LAG3: variants seen among roughly 807,000 people sequenced by gnomAD.
LAG3 encodes the protein lymphocyte activating 3.
In LAG3, 29 loss-of-function variants were observed where a neutral mutation model predicts 49.0. That is an observed-to-expected ratio of 0.59 (90% CI 0.44 to 0.81). The LOEUF (loss-of-function observed/expected upper bound fraction) is 0.81, where lower values mean the gene tolerates loss of function less well. LAG3 is among the 30% of genes least tolerant of loss of function. The pLI is 0.00. For missense variants in LAG3, 693 were observed against 695.2 expected, an observed-to-expected ratio of 1.00 and a Z score of 0.04; for synonymous variants, 320 against 297.3, an observed-to-expected ratio of 1.08 and a Z score of -0.79.
chr12:6,773,470 C>T lies in LAG3; in HGVS notation c.206+131C>T. 5 of 1,222,158 alleles carry T rather than the reference C, an allele frequency of 4.1e-6. No homozygotes were observed. The highest frequency in any genetic ancestry group is 4.5e-6 in the Non-Finnish European group (4 of 881,620). The allele number at this position is 1,222,158 out of a possible 1,614,324, so 75.7% of individuals were successfully genotyped here. A position where few individuals can be genotyped will look rare whatever the true frequency, so the allele number is the denominator to read the frequency against. On this transcript the variant is annotated intron_variant, in intron 2 of 7. Transcript: ENST00000203629. The surrounding 1 kb of genome is among the most constrained non-coding windows in gnomAD (Gnocchi z 5.5). Reference sequence around the variant, plus strand: ...CAGTGACCCAGTCTCCCTGCCCTCGCTTGCACCGTTCCTGCCCTTGCTCTG... The same window carrying T: ...CAGTGACCCAGTCTCCCTGCCCTCGTTTGCACCGTTCCTGCCCTTGCTCTG...
chr12:6,775,069 G>A (rs980148768), intron 4 of LAG3, among the ~76,000 whole-genome samples: 8 of 152,080 alleles, frequency 5.3e-5, no homozygotes, highest in South Asian at 2.1e-4. Flanking sequence ...GCCTTCCAGC[G>A]TCATTGCCGG....
chr12:6,778,324 A>AGAACCG lies in LAG3; in HGVS notation c.1515_1520dup (p.Pro522_Glu523dup), dbSNP rs763618862. 1.2e-6 allele frequency: 2 copies of AGAACCG among 1,613,048 alleles called. No homozygotes were observed. The highest frequency in any genetic ancestry group is 2.2e-5 in the East Asian group (1 of 44,860). On this transcript the variant is annotated inframe_insertion, in exon 8 of 8. Coordinates refer to ENST00000203629, the MANE Select transcript of LAG3 (RefSeq NM_002286.6). ...AGAGCAAGATAGAGGAGCTGGAGCA[A>AGAACCG]GAACCGGAGCCGGAGCCGGAGCCGG...
In LAG3 at chr12:6,777,466, T is replaced by C; in HGVS notation, c.1260T>C (p.Leu420=). 1 of 1,614,110 alleles carries C rather than the reference T, an allele frequency of 6.2e-7. No homozygotes were observed. The highest frequency in any genetic ancestry group is 1.7e-5 in the Admixed American group (1 of 60,022). ...WQCQLYQGER[L]LGAAVYFTEL... is the part of the protein sequence containing the mutation. ...GCCAGCTGTACCAGGGGGAGAGGCTTCTTGGAGCAGCAGTGTACTTCACAG... is the reference window on the plus strand; with the variant it reads ...GCCAGCTGTACCAGGGGGAGAGGCTCCTTGGAGCAGCAGTGTACTTCACAG... The change falls in exon 6 of 8, where the codon CTT becomes CTC. Residue 420 remains leucine, a synonymous_variant. Transcript: ENST00000203629.
Position 6,778,327 on chromosome 12 carries a change from A to AACGGAG in LAG3, c.1515_1516insACGGAG (p.Glu505_Pro506insThrGlu). The AACGGAG allele has an allele frequency of 6.2e-7, 1 of 1,613,304 alleles. No individual in the cohort carries two copies. Among genetic ancestry groups the AACGGAG allele is most frequent in the South Asian group, 1.1e-5 (1 of 91,060 alleles). On this transcript the variant is annotated inframe_insertion, in exon 8 of 8. Coordinates refer to ENST00000203629, the MANE Select transcript of LAG3 (RefSeq NM_002286.6). ...GCAAGATAGAGGAGCTGGAGCAAGA[A>AACGGAG]CCGGAGCCGGAGCCGGAGCCGGAAC... is the stretch of plus-strand genomic sequence containing the variant.
At position 6,772,772 on chromosome 12, in the gene LAG3, AC is replaced by A. The variant is rs1462740375; in HGVS notation, c.-75del. 3 of 637,502 alleles carry A rather than the reference AC, an allele frequency of 4.7e-6. No homozygotes were observed. The highest frequency in any genetic ancestry group is 5.1e-5 in the Admixed American group (2 of 39,146). The allele number at this position is 637,502 out of a possible 1,614,324, so 39.5% of individuals were successfully genotyped here. On this transcript the variant is annotated 5_prime_UTR_variant, in exon 1 of 8. Transcript: ENST00000203629. ...TCCCTCTCTGCAGAACTTCTCCTTT[AC>A]CCCCCACCCCCCACCACTGCCCCCT...
At chr12:6,777,583 C>A in intron 6 of LAG3, 77 bp downstream of exon 6, 1 of 1,539,190 alleles carries the variant, frequency 6.5e-7, no homozygotes, top group Non-Finnish European at 8.8e-7. Context: ...GCCCCTGCCA[C>A]CCCCATCCCA....
At position 6,773,741 on chromosome 12, in the gene LAG3, C is replaced by A. The variant is rs1941870164; in HGVS notation, c.251C>A (p.Pro84His). The change falls in exon 3 of 8, where the codon CCT becomes CAT. Residue 84 changes from proline to histidine, a missense_variant. By Grantham distance (77) the Pro-to-His change is moderately conservative. Transcript: ENST00000203629. The surrounding 1 kb of genome is among the most constrained non-coding windows in gnomAD (Gnocchi z 5.5). ...CCCGGCCATCCCCTGGCCCCCGGCCCTCACCCGGCGGCGCCCTCCTCCTGG... is the reference window on the plus strand; with the variant it reads ...CCCGGCCATCCCCTGGCCCCCGGCCATCACCCGGCGGCGCCCTCCTCCTGG... ...AAPGHPLAPGPHPAAPSSWGP... is the reference protein window; with the variant it reads ...AAPGHPLAPGHHPAAPSSWGP... The A allele has an allele frequency of 7.5e-7, 1 of 1,332,882 alleles. No homozygotes were observed. The highest frequency in any genetic ancestry group is 2.1e-5 in the South Asian group (1 of 47,992). 82.6% of individuals were successfully genotyped at this position (1,332,882 alleles called of 1,614,324 possible). A position where few individuals can be genotyped will look rare whatever the true frequency, so the allele number is the denominator to read the frequency against.
chr12:6,773,157 G>A lies in LAG3; in HGVS notation c.59-35G>A, dbSNP rs201869173. 1.2e-5 allele frequency: 19 copies of A among 1,583,964 alleles called. No individual in the cohort carries two copies. The highest frequency in any genetic ancestry group is 2.2e-5 in the East Asian group (1 of 44,448). Reference sequence around the variant, plus strand: ...TCTCTACCCCTGCCTCTCGGCTCACGCCCCCTCCCCTTGGCCTCTCTTTTG... The same window carrying A: ...TCTCTACCCCTGCCTCTCGGCTCACACCCCCTCCCCTTGGCCTCTCTTTTG... On this transcript the variant is annotated intron_variant, in intron 1 of 7. Transcript: ENST00000203629. This position sits in a 1 kb window ranked among gnomAD's most constrained non-coding sequence, Gnocchi z 5.5.
At chr12:6,775,910 G>A (rs3782735) in intron 5 of LAG3, among the ~76,000 whole-genome samples, 96,520 of 152,090 alleles carry the variant, frequency 0.63, 31,070 homozygotes, top group African/African-American at 0.75. Context: ...GCTTGGGTTA[G>A]AGTTGCAGGA....
At chr12:6,774,900 C>A in intron 4 of LAG3, 36 bp downstream of exon 4, 2 of 1,580,314 alleles carry the variant, frequency 1.3e-6, no homozygotes. Flanking sequence ...TTGACCACAA[C>A]TCCTTCCTGC....
At chr12:6,777,159 C>A in intron 5 of LAG3, 105 bp from the exon 6 acceptor site, 1 of 1,377,842 alleles carries the variant, frequency 7.3e-7, no homozygotes, top group Non-Finnish European at 1.0e-6. Context: ...CCTCCCCTGG[C>A]CAGAACCCAA....
chr12:6,777,511 G>A lies in LAG3; in HGVS notation c.1300+5G>A, dbSNP rs372057689. The A allele has an allele frequency of 4.9e-5, 79 of 1,611,692 alleles. No individual in the cohort carries two copies. In the African/African-American group the frequency reaches 8.2e-4, roughly 17 times the overall value. ...TCACAGAGCTGTCTAGCCCAGGTCCGAGGCCCCAGAATGCCAGGACCCAAA... is the reference window on the plus strand; with the variant it reads ...TCACAGAGCTGTCTAGCCCAGGTCCAAGGCCCCAGAATGCCAGGACCCAAA... On this transcript the variant is annotated splice_donor_5th_base_variant and intron_variant, in intron 6 of 7. Transcript: ENST00000203629.
chr12:6,773,747 C>T lies in LAG3; in HGVS notation c.257C>T (p.Pro86Leu). 7.5e-7 allele frequency: 1 copy of T among 1,327,114 alleles called. No individual in the cohort carries two copies. Among genetic ancestry groups the T allele is most frequent in the Non-Finnish European group, 9.6e-7 (1 of 1,045,176 alleles). The allele number at this position is 1,327,114 out of a possible 1,614,324, so 82.2% of individuals were successfully genotyped here. A position where few individuals can be genotyped will look rare whatever the true frequency, so the allele number is the denominator to read the frequency against. ...PGHPLAPGPH[P>L]AAPSSWGPRP... ...CATCCCCTGGCCCCCGGCCCTCACC[C>T]GGCGGCGCCCTCCTCCTGGGGGCCC... The change falls in exon 3 of 8, where the codon CCG becomes CTG. Residue 86 changes from proline (P) to leucine (L), a missense_variant. Transcript: ENST00000203629. The surrounding 1 kb of genome is among the most constrained non-coding windows in gnomAD (Gnocchi z 5.5).
At chr12:6,777,946 G>T in intron 7 of LAG3, 25 bp downstream of exon 7, 1 of 1,610,896 alleles carries the variant, frequency 6.2e-7, no homozygotes. Flanking sequence ...TGGCAACCCC[G>T]CCCCCCAGCA....
Position 6,773,753 on chromosome 12 carries a change from C to T in LAG3, c.263C>T (p.Ala88Val). 2.3e-6 allele frequency: 3 copies of T among 1,325,574 alleles called. No individual in the cohort carries two copies. Among genetic ancestry groups the T allele is most frequent in the Non-Finnish European group, 2.9e-6 (3 of 1,044,340 alleles). The allele number at this position is 1,325,574 out of a possible 1,614,324, so 82.1% of individuals were successfully genotyped here. Residue 88 changes from alanine to valine, a missense_variant, in exon 3 of 8, where the codon GCG (alanine) becomes GTG (valine). Transcript: ENST00000203629. This position sits in a 1 kb window ranked among gnomAD's most constrained non-coding sequence, Gnocchi z 5.5. ...HPLAPGPHPA[A>V]PSSWGPRPRR... ...CTGGCCCCCGGCCCTCACCCGGCGG[C>T]GCCCTCCTCCTGGGGGCCCAGGCCC...
At chr12:6,774,163 T>C (rs1008903011) in intron 3 of LAG3, among the ~76,000 whole-genome samples, 162 bp downstream of exon 3, 1 of 150,238 alleles carries the variant, frequency 6.7e-6, no homozygotes, top group African/African-American at 2.5e-5. Context: ...GAGTGGAAGG[T>C]GCCCCCGAAG....
chr12:6,777,655 G>C (rs933796886), intron 6 of LAG3, 136 bp from the exon 7 acceptor site: 14 of 1,442,210 alleles, frequency 9.7e-6, no homozygotes, highest in Non-Finnish European at 1.3e-5. Context: ...ACCCGTTTCC[G>C]CCACTGATCA....
chr12:6,778,441 C>G lies in LAG3; in HGVS notation c.*51C>G. 3 of 1,585,218 alleles carry G rather than the reference C, an allele frequency of 1.9e-6. No individual in the cohort carries two copies. Among genetic ancestry groups the G allele is most frequent in the Non-Finnish European group, 2.6e-6 (3 of 1,171,402 alleles). ...CTCAGCAGCCCAGTCCAAATAAACTCCCTGTCAGCAGCAAGCCTGAGTCTG... is the reference window on the plus strand; with the variant it reads ...CTCAGCAGCCCAGTCCAAATAAACTGCCTGTCAGCAGCAAGCCTGAGTCTG... On this transcript the variant is annotated 3_prime_UTR_variant, in exon 8 of 8. Transcript: ENST00000203629.
chr12:6,772,755 T>C lies in LAG3; in HGVS notation c.-98T>C. ...GAACCCCTTCCTCCACCTCCCTCTC[T>C]GCAGAACTTCTCCTTTACCCCCCAC... On this transcript the variant is annotated 5_prime_UTR_variant, in exon 1 of 8. Coordinates refer to ENST00000203629, the MANE Select transcript of LAG3 (RefSeq NM_002286.6). 1.0e-6 allele frequency: 1 copy of C among 985,974 alleles called. No individual in the cohort carries two copies. Among genetic ancestry groups the C allele is most frequent in the Non-Finnish European group, 1.5e-6 (1 of 652,250 alleles). The allele number at this position is 985,974 out of a possible 1,614,324, so 61.1% of individuals were successfully genotyped here. A position where few individuals can be genotyped will look rare whatever the true frequency, so the allele number is the denominator to read the frequency against.
Sources: allele counts gnomAD v4.1 joint callset (sites outside exome capture counted in the v4.1 genomes callset), GRCh38; gene constraint gnomAD v4.1.1; non-coding constraint Gnocchi (gnomAD v3.1); transcripts MANE v1.5; gene names NCBI Gene and HGNC (gene_info 2026-07-23, HGNC 2026-07-21).